MINK1: variants seen among roughly 807,000 people sequenced by gnomAD.
MINK1 encodes the protein misshapen like kinase 1.
In MINK1, 46 loss-of-function variants were observed where a neutral mutation model predicts 178.4. The ratio of observed to expected loss-of-function variants is 0.26; its 90% confidence interval spans 0.20 to 0.33. MINK1 has a LOEUF of 0.33. Ranked by LOEUF, MINK1 falls within the 10% of genes least tolerant of loss-of-function variation. MINK1 has a pLI of 1.00. For missense variants in MINK1, 1,366 were observed against 1,814.9 expected (o/e 0.75, Z 4.49); for synonymous variants, 797 against 709.7 (o/e 1.12, Z -1.96).
chr17:4,847,307 C>G (rs1911202010), intron 1 of MINK1: 3 of 448,094 alleles, frequency 6.7e-6, no homozygotes, highest in South Asian at 4.7e-5. Context: ...GGCGCAGTCT[C>G]AGCTCACTGC....
Position 4,897,069 on chromosome 17 carries a change from C to T in MINK1, c.3916-135C>T, listed in dbSNP as rs1231634990. On this transcript the variant is annotated intron_variant, in intron 31 of 31. Transcript: ENST00000355280. ...GCCTGCCTTTCCTCCGGGTGAGGGG[C>T]ACTGTGAGTCTCCTCCTGCAGTCTC... The T allele has an allele frequency of 1.3e-5, 11 of 870,224 alleles. No homozygotes were observed. In the Admixed American group the frequency reaches 1.4e-4, roughly 11 times the overall value. 53.9% of individuals were successfully genotyped at this position (870,224 alleles called of 1,614,324 possible).
chr17:4,851,083 C>G (rs1911880397), intron 1 of MINK1: 1 of 456,668 alleles, frequency 2.2e-6, no homozygotes, highest in African/African-American at 2.0e-5. Context: ...TATCTTGTTT[C>G]TTCTCTCCTG....
At position 4,886,933 on chromosome 17, in the gene MINK1, C is replaced by G. The variant is rs572591983; in HGVS notation, c.950-177C>G. Among the ~76,000 whole-genome samples the G allele has an allele frequency of 6.7e-6, 1 of 149,700 alleles. No homozygotes were observed. Among genetic ancestry groups the G allele is most frequent in the East Asian group, 1.9e-4 (1 of 5,148 alleles). ...CCTCAGCTGCCCTGGGACCCAGTCC[C>G]GGTCCTGTCCAGGCCCACACCTGAG... On this transcript the variant is annotated intron_variant, in intron 10 of 31. Transcript: ENST00000355280. The surrounding 1 kb of genome is among the most constrained non-coding windows in gnomAD (Gnocchi z 6.1).
intron 1 of MINK1, among the ~76,000 whole-genome samples, chr17:4,849,864 C>T (rs1179018759): frequency 2.6e-5 from 4 of 152,138 alleles, no homozygotes; most frequent in East Asian, 1.9e-4. Context: ...TGAGCCACCG[C>T]GCCCGGCTGG....
At chr17:4,877,754 C>T (rs1213924209) in intron 1 of MINK1, among the ~76,000 whole-genome samples, 1 of 150,026 alleles carries the variant, frequency 6.7e-6, no homozygotes, top group African/African-American at 2.5e-5. Context: ...GGTTTGAAAT[C>T]GGGAACATGT....
In MINK1 at chr17:4,893,467, G is replaced by A. The variant is rs746187948; in HGVS notation, c.2434G>A (p.Glu812Lys). Residue 812 changes from glutamate to lysine, a missense_variant, in exon 21 of 32, where the codon GAG (glutamate) becomes AAG (lysine). This residue lies in a region of MINK1 where 709 missense variants were observed against 692.3 expected (regional missense o/e 1.02). Coordinates refer to ENST00000355280, the MANE Select transcript of MINK1 (RefSeq NM_153827.5). Reference sequence around the variant, plus strand: ...GTTGCTGAAAGAGCGGACTCTGGACGAGGCCCCTCGGCCTCCCAAGAAGGC... The same window carrying A: ...GTTGCTGAAAGAGCGGACTCTGGACAAGGCCCCTCGGCCTCCCAAGAAGGC... ...FVLLKERTLDEAPRPPKKAMD... is the reference protein window; with the variant it reads ...FVLLKERTLDKAPRPPKKAMD... 7.2e-5 allele frequency: 114 copies of A among 1,594,066 alleles called. No individual in the cohort carries two copies. Among genetic ancestry groups the A allele is most frequent in the Middle Eastern group, 1.7e-4 (1 of 6,030 alleles).
At chr17:4,839,110 A>AT (rs1359880991) in intron 1 of MINK1, among the ~76,000 whole-genome samples, 1 of 152,006 alleles carries the variant, frequency 6.6e-6, no homozygotes, top group East Asian at 1.9e-4. Flanking sequence ...TGCCTGGCTA[A>AT]TTTTTTGTAT....
intron 1 of MINK1, chr17:4,857,469 T>TG (rs1913371422): frequency 7.0e-6 from 1 of 142,442 alleles, no homozygotes; most frequent in Non-Finnish European, 1.5e-5. Flanking sequence ...TTTTTTTTTT[T>TG]TTTTTTTTTT....
At chr17:4,888,869 G>A (rs1968485576) in intron 12 of MINK1, among the ~76,000 whole-genome samples, 1 of 151,800 alleles carries the variant, frequency 6.6e-6, no homozygotes. Context: ...GGCTAATTTT[G>A]TATTTTTTTC....
chr17:4,887,651 G>A lies in MINK1; in HGVS notation c.1091G>A (p.Ser364Asn). The change falls in exon 12 of 32, where the codon AGC (serine) becomes AAC (asparagine). Residue 364 changes from serine to asparagine, a missense_variant. Transcript: ENST00000355280. The surrounding 1 kb of genome is among the most constrained non-coding windows in gnomAD (Gnocchi z 7.6). ...CTCCGGCTCCAGCAGGAAAATAAGAGCAACTCAGAGGCTTTAAAACAGCAG... is the reference window on the plus strand; with the variant it reads ...CTCCGGCTCCAGCAGGAAAATAAGAACAACTCAGAGGCTTTAAAACAGCAG... The part of the protein sequence containing the change: ...EFLRLQQENK[S>N]NSEALKQQQQ... 6.4e-7 allele frequency: 1 copy of A among 1,566,780 alleles called. No homozygotes were observed. The highest frequency in any genetic ancestry group is 8.6e-7 in the Non-Finnish European group (1 of 1,157,936).
In MINK1 at chr17:4,897,330, C is replaced by G. The variant is rs779916246; in HGVS notation, c.*43C>G. 14 of 1,578,888 alleles carry G rather than the reference C, an allele frequency of 8.9e-6. No individual in the cohort carries two copies. The highest frequency in any genetic ancestry group is 1.1e-5 in the Non-Finnish European group (13 of 1,150,644). ...GCTGTCCCACACTGGACCCAGCTCTCCCCCTGCAGCCAGGCTTCCCGGGCC... is the reference window on the plus strand; with the variant it reads ...GCTGTCCCACACTGGACCCAGCTCTGCCCCTGCAGCCAGGCTTCCCGGGCC... On this transcript the variant is annotated 3_prime_UTR_variant, in exon 32 of 32. Transcript: ENST00000355280.
At chr17:4,865,779 C>T (rs1914873351) in intron 1 of MINK1, among the ~76,000 whole-genome samples, 2 of 150,300 alleles carry the variant, frequency 1.3e-5, no homozygotes, top group Admixed American at 1.3e-4. Context: ...CTTGTAGTCC[C>T]AGTTACCTGG....
intron 1 of MINK1, among the ~76,000 whole-genome samples, chr17:4,867,319 T>G (rs949629672): frequency 1.0e-4 from 15 of 148,708 alleles, no homozygotes; most frequent in Admixed American, 4.7e-4. Context: ...TGAGCCACCA[T>G]GCCCTACCTC....
In MINK1 at chr17:4,886,759, G is replaced by T. The variant is rs930524559; in HGVS notation, c.949+133G>T. 1 of 1,075,108 alleles carries T rather than the reference G, an allele frequency of 9.3e-7. No homozygotes were observed. The highest frequency in any genetic ancestry group is 1.3e-6 in the Non-Finnish European group (1 of 773,972). 66.6% of individuals were successfully genotyped at this position (1,075,108 alleles called of 1,614,324 possible). On this transcript the variant is annotated intron_variant, in intron 10 of 31. Coordinates refer to ENST00000355280, the MANE Select transcript of MINK1 (RefSeq NM_153827.5). This position sits in a 1 kb window ranked among gnomAD's most constrained non-coding sequence, Gnocchi z 6.1. ...CCAGCTCTCCCTGTCCAAGGAGATCGTTCTCAAACTTGCAACCCCCAAGGG... is the reference window on the plus strand; with the variant it reads ...CCAGCTCTCCCTGTCCAAGGAGATCTTTCTCAAACTTGCAACCCCCAAGGG...
chr17:4,874,546 G>A (rs1567592966), intron 1 of MINK1, among the ~76,000 whole-genome samples: 1 of 152,304 alleles, frequency 6.6e-6, no homozygotes, highest in East Asian at 1.9e-4. Context: ...GGACATGAGG[G>A]ATTGGTCTGA....
At chr17:4,842,203 G>C (rs1016694093) in intron 1 of MINK1, among the ~76,000 whole-genome samples, 1 of 137,374 alleles carries the variant, frequency 7.3e-6, no homozygotes, top group Non-Finnish European at 1.5e-5. Context: ...CAGCCTGGGC[G>C]ACAGAGCGAG....
chr17:4,850,548 A>G (rs1201688970), intron 1 of MINK1, among the ~76,000 whole-genome samples: 1 of 123,640 alleles, frequency 8.1e-6, no homozygotes, highest in East Asian at 2.2e-4. Flanking sequence ...TGTTCTTCCT[A>G]CAGCTGACTC....
At chr17:4,867,150 T>G (rs913052862) in intron 1 of MINK1, among the ~76,000 whole-genome samples, 4 of 138,822 alleles carry the variant, frequency 2.9e-5, no homozygotes, top group Non-Finnish European at 4.7e-5. Flanking sequence ...TTTTTTTTTT[T>G]TTTTTTTTTT....
Position 4,892,777 on chromosome 17 carries a change from G to T in MINK1, c.2311+9G>T. 1 of 1,595,434 alleles carries T rather than the reference G, an allele frequency of 6.3e-7. No homozygotes were observed. On this transcript the variant is annotated intron_variant, in intron 19 of 31. Transcript: ENST00000355280. ...GCGGAACCGCGTGGGAGGTATGTGA[G>T]CCAGGGCTGGGCAGCCTGCTCTGGG... is the stretch of plus-strand genomic sequence containing the variant.
Sources: allele counts gnomAD v4.1 joint callset (sites outside exome capture counted in the v4.1 genomes callset), GRCh38; gene constraint gnomAD v4.1.1; regional missense constraint gnomAD v4.1.1; non-coding constraint Gnocchi (gnomAD v3.1); transcripts MANE v1.5; gene names NCBI Gene and HGNC (gene_info 2026-07-23, HGNC 2026-07-21).